Variants in DCC observed in about 807,000 individuals in gnomAD.
DCC encodes DCC netrin 1 receptor.
DCC carries 58 observed loss-of-function variants against 172.5 expected under a neutral mutation model. The ratio of observed to expected loss-of-function variants is 0.34; its 90% CI spans 0.27 to 0.42. The LOEUF (loss-of-function observed/expected upper bound fraction) is 0.42, where lower values mean the gene tolerates loss of function less well. Among genes scored for constraint, DCC ranks in the 10% least tolerant of loss-of-function variants. DCC has a pLI of 1.00. For missense variants in DCC, 1,740 were observed against 1,791.0 expected, an observed-to-expected ratio of 0.97 and a Z score of 0.51; for synonymous variants, 709 against 644.5, an observed-to-expected ratio of 1.10 and a Z score of -1.52.
intron 9 of DCC, among the ~76,000 whole-genome samples, chr18:53,187,565 T>A (rs1191415255): frequency 6.6e-6 from 1 of 152,198 alleles, no homozygotes; most frequent in African/African-American, 2.4e-5. Context: ...AATTATCTGA[T>A]CTAACACTCC....
intron 5 of DCC, among the ~76,000 whole-genome samples, chr18:52,960,693 T>C (rs2040829179): frequency 6.6e-6 from 1 of 152,132 alleles, no homozygotes; most frequent in Admixed American, 6.5e-5. Flanking sequence ...CTGACTTCAT[T>C]AGCAAACTGA....
chr18:53,122,608 T>G (rs1184652404), intron 7 of DCC, among the ~76,000 whole-genome samples: 1 of 152,074 alleles, frequency 6.6e-6, no homozygotes, highest in East Asian at 1.9e-4. Flanking sequence ...ATTGACCATA[T>G]TAGCTTTGCT....
intron 5 of DCC, among the ~76,000 whole-genome samples, chr18:52,992,340 C>T (rs2041407085): frequency 6.6e-6 from 1 of 152,148 alleles, no homozygotes; most frequent in South Asian, 2.1e-4. Flanking sequence ...TGAGAATTTT[C>T]AGCTAGCCTG....
intron 2 of DCC, among the ~76,000 whole-genome samples, chr18:52,872,772 A>G (rs964283930): frequency 6.6e-6 from 1 of 152,168 alleles, no homozygotes; most frequent in African/African-American, 2.4e-5. Context: ...TCTGCTGGTT[A>G]TATTTCATTA....
intron 2 of DCC, among the ~76,000 whole-genome samples, chr18:52,758,104 G>T (rs745681773): frequency 3.9e-5 from 6 of 152,106 alleles, no homozygotes; most frequent in Non-Finnish European, 8.8e-5. Context: ...AACTCCTTGT[G>T]GGAAACACTA....
At chr18:52,669,346 C>G (rs1157049716) in intron 1 of DCC, among the ~76,000 whole-genome samples, 1 of 152,192 alleles carries the variant, frequency 6.6e-6, no homozygotes, top group Non-Finnish European at 1.5e-5. Flanking sequence ...ACCATAATTT[C>G]TAATCTTGTG....
intron 2 of DCC, among the ~76,000 whole-genome samples, chr18:52,851,983 AACAT>A (rs2038982074): frequency 6.6e-6 from 1 of 152,126 alleles, no homozygotes; most frequent in Non-Finnish European, 1.5e-5. Context: ...ATATACATGA[AACAT>A]ACATATAACA....
chr18:52,372,659 T>G (rs1353423293), intron 1 of DCC, among the ~76,000 whole-genome samples: 1 of 152,216 alleles, frequency 6.6e-6, no homozygotes, highest in Non-Finnish European at 1.5e-5. Context: ...TATGATTTAG[T>G]TGTGAATGGA....
At chr18:52,900,240 G>T (rs7234775) in intron 2 of DCC, among the ~76,000 whole-genome samples, 1 of 152,126 alleles carries the variant, frequency 6.6e-6, no homozygotes, top group Non-Finnish European at 1.5e-5. Context: ...CCTTGCATGG[G>T]TAGTTAATAA....
intron 5 of DCC, among the ~76,000 whole-genome samples, chr18:52,964,610 A>T (rs1321392649): frequency 2.6e-5 from 4 of 152,126 alleles, no homozygotes; most frequent in Non-Finnish European, 5.9e-5. Flanking sequence ...ACTTTCTGTC[A>T]CAGGATCTGA....
chr18:53,460,361 A>G (rs2045541760), intron 24 of DCC, among the ~76,000 whole-genome samples: 1 of 135,298 alleles, frequency 7.4e-6, no homozygotes. Context: ...TACATGTGCC[A>G]TGCTGGTGCG....
chr18:52,536,664 C>T (rs561772555), intron 1 of DCC, among the ~76,000 whole-genome samples: 1 of 152,208 alleles, frequency 6.6e-6, no homozygotes, highest in Admixed American at 6.6e-5. Context: ...ATACCTAAAC[C>T]TTCCAAAATG....
At chr18:52,349,115 A>G (rs1206569685) in intron 1 of DCC, among the ~76,000 whole-genome samples, 1 of 152,222 alleles carries the variant, frequency 6.6e-6, no homozygotes, top group African/African-American at 2.4e-5. Context: ...TAGGCCCAAT[A>G]TCATTGTTAC....
intron 1 of DCC, among the ~76,000 whole-genome samples, chr18:52,503,099 T>A (rs16955103): frequency 0.057 from 8,729 of 152,258 alleles, 306 homozygotes; most frequent in South Asian, 0.12. Flanking sequence ...ATACTCTTAC[T>A]TATTTTACTG....
chr18:53,302,264 A>C (rs992829474), intron 12 of DCC, among the ~76,000 whole-genome samples: 3 of 152,134 alleles, frequency 2.0e-5, no homozygotes, highest in Non-Finnish European at 4.4e-5. Context: ...TCAGCCCATA[A>C]ATATGTATTT....
rs528535144 is a variant in DCC at position 52,694,880 on chromosome 18, T to A, written c.92-57174T>A. Among the ~76,000 whole-genome samples the A allele has an allele frequency of 1.6e-4, 25 of 152,318 alleles. 1 individual carries two copies. The South Asian group carries it at 4.3e-3, about 26-fold the overall frequency. ...TGTAACACTGTATAATTCTACTGGTTCTCTGTATGTACAAGTGGTAGAAGT... is the reference window on the plus strand; with the variant it reads ...TGTAACACTGTATAATTCTACTGGTACTCTGTATGTACAAGTGGTAGAAGT... On this transcript the variant is annotated intron_variant, in intron 1 of 28. Transcript: ENST00000442544.
At chr18:53,148,030 A>T (rs2043941861) in intron 7 of DCC, among the ~76,000 whole-genome samples, 1 of 152,212 alleles carries the variant, frequency 6.6e-6, no homozygotes, top group South Asian at 2.1e-4. Context: ...TTCTCACTGG[A>T]AACATTTAGT....
chr18:53,037,149 A>G (rs1336686844), intron 5 of DCC, among the ~76,000 whole-genome samples: 1 of 151,978 alleles, frequency 6.6e-6, no homozygotes, highest in African/African-American at 2.4e-5. Context: ...ATGATGCCTA[A>G]AGAGTTCCAT....
At chr18:52,795,269 T>C (rs183102503) in intron 2 of DCC, among the ~76,000 whole-genome samples, 37 of 152,206 alleles carry the variant, frequency 2.4e-4, no homozygotes, top group African/African-American at 8.9e-4. Flanking sequence ...CTTTTCTTTA[T>C]TGGGACGCAC....
Sources: gnomAD v4.1 joint callset for allele counts (sites outside exome capture counted in the v4.1 genomes callset) on GRCh38, gnomAD v4.1.1 for gene constraint, MANE v1.5 for transcripts, NCBI Gene and HGNC (gene_info 2026-07-23, HGNC 2026-07-21) for gene names.